Variants in GRID1 observed in about 807,000 individuals in gnomAD.
GRID1 encodes the protein glutamate receptor ionotropic, delta-1.
A neutral mutation model predicts 98.0 loss-of-function variants in GRID1; 28 were observed. The observed-to-expected ratio is 0.29, with a 90% CI of 0.21 to 0.39. The LOEUF (loss-of-function observed/expected upper bound fraction) is 0.39, where lower values mean the gene tolerates loss of function less well. Ranked by LOEUF, GRID1 falls within the 10% of genes least tolerant of loss-of-function variation. GRID1 has a pLI of 1.00. For missense variants in GRID1, 1,111 were observed against 1,340.5 expected (o/e 0.83, Z 2.67); for synonymous variants, 553 against 538.5 (o/e 1.03, Z -0.37).
chr10:86,337,384 G>C (rs1015048687), intron 2 of GRID1, among the ~76,000 whole-genome samples: 1 of 152,122 alleles, frequency 6.6e-6, no homozygotes, highest in Non-Finnish European at 1.5e-5. Flanking sequence ...TCTGTAGCCC[G>C]GGCCTTCCCA....
intron 4 of GRID1, among the ~76,000 whole-genome samples, chr10:85,946,611 G>A (rs1207639987): frequency 6.6e-6 from 1 of 152,230 alleles, no homozygotes; most frequent in Non-Finnish European, 1.5e-5. Flanking sequence ...TTGAGTAACA[G>A]AGTCCAGTGG....
chr10:86,288,231 G>A (rs935872029), intron 2 of GRID1, among the ~76,000 whole-genome samples: 2 of 152,190 alleles, frequency 1.3e-5, no homozygotes, highest in African/African-American at 4.8e-5. Context: ...CGAACACCAA[G>A]AGTCCCTCAT....
At chr10:86,092,052 C>A (rs1844157349) in intron 4 of GRID1, among the ~76,000 whole-genome samples, 1 of 152,146 alleles carries the variant, frequency 6.6e-6, no homozygotes, top group Non-Finnish European at 1.5e-5. Flanking sequence ...AAGACCAACC[C>A]TGGTAAATGA....
intron 8 of GRID1, among the ~76,000 whole-genome samples, chr10:85,738,487 C>T (rs182112236): frequency 1.4e-3 from 220 of 152,294 alleles, no homozygotes; most frequent in Non-Finnish European, 2.1e-3. Flanking sequence ...CCAGCAATTC[C>T]ACTCCTAGAC....
chr10:85,846,181 C>T (rs539829445), intron 8 of GRID1, among the ~76,000 whole-genome samples: 1 of 152,146 alleles, frequency 6.6e-6, no homozygotes, highest in African/African-American at 2.4e-5. Context: ...ACAAGGCATT[C>T]CAAAACAAGA....
At chr10:85,874,653 G>C (rs577816845) in intron 5 of GRID1, among the ~76,000 whole-genome samples, 1 of 152,230 alleles carries the variant, frequency 6.6e-6, no homozygotes, top group Admixed American at 6.5e-5. Flanking sequence ...GTTAGAACCA[G>C]GCTACAAACC....
At chr10:85,990,835 C>T (rs1367900641) in intron 4 of GRID1, among the ~76,000 whole-genome samples, 3 of 152,056 alleles carry the variant, frequency 2.0e-5, no homozygotes, top group Non-Finnish European at 4.4e-5. Flanking sequence ...GTTAGACAAT[C>T]GGAAACCAAT....
intron 4 of GRID1, among the ~76,000 whole-genome samples, chr10:85,951,574 C>T (rs896079345): frequency 1.3e-5 from 2 of 152,198 alleles, no homozygotes. Flanking sequence ...CAGATGCTCC[C>T]AGGTCAAGCC....
intron 3 of GRID1, among the ~76,000 whole-genome samples, chr10:86,161,647 A>T (rs1267974135): frequency 1.3e-5 from 2 of 152,184 alleles, no homozygotes; most frequent in Non-Finnish European, 2.9e-5. Context: ...CTCATCAGTC[A>T]GAATCTGCCT....
chr10:85,752,367 T>C (rs375117343), intron 8 of GRID1, among the ~76,000 whole-genome samples: 3 of 152,172 alleles, frequency 2.0e-5, no homozygotes, highest in African/African-American at 4.8e-5. Flanking sequence ...ACATTTCCTG[T>C]ACATGACCCC....
In GRID1 at chr10:85,841,626, A is replaced by G. The variant is rs918228919; in HGVS notation, c.1233+12870T>C. On this transcript the variant is annotated intron_variant, in intron 8 of 15. Coordinates refer to ENST00000327946, the MANE Select transcript of GRID1 (RefSeq NM_017551.3). The stretch of plus-strand genomic sequence containing the variant: ...TATTTAGTATCTATAAGGAACTTAA[A>G]CAAATTTATCAAAAAGAAAACATTA... Among the ~76,000 whole-genome samples the G allele has an allele frequency of 7.9e-5, 12 of 152,266 alleles. No homozygotes were observed. The East Asian group carries it at 1.5e-3, about 20-fold the overall frequency.
chr10:86,218,175 CGTGT>C (rs1846203240), intron 2 of GRID1, among the ~76,000 whole-genome samples: 1 of 151,928 alleles, frequency 6.6e-6, no homozygotes, highest in Admixed American at 6.6e-5. Flanking sequence ...TGCTTGTGCG[CGTGT>C]GTGTGTGAGT....
chr10:85,828,965 G>T (rs752157739), intron 8 of GRID1, among the ~76,000 whole-genome samples: 1 of 151,996 alleles, frequency 6.6e-6, no homozygotes, highest in Non-Finnish European at 1.5e-5. Flanking sequence ...CTATGAGGCT[G>T]GCATCATTCT....
chr10:85,982,507 G>A (rs1226873409), intron 4 of GRID1, among the ~76,000 whole-genome samples: 1 of 152,144 alleles, frequency 6.6e-6, no homozygotes, highest in Non-Finnish European at 1.5e-5. Context: ...TCCATCAGGT[G>A]AGAACCAAGG....
At chr10:85,870,629 T>G (rs904566020) in intron 5 of GRID1, among the ~76,000 whole-genome samples, 1 of 151,490 alleles carries the variant, frequency 6.6e-6, no homozygotes, top group African/African-American at 2.4e-5. Context: ...AGTTGAGGAG[T>G]TGGTGGTGCT....
chr10:86,229,183 T>G (rs186394822), intron 2 of GRID1, among the ~76,000 whole-genome samples: 1 of 152,076 alleles, frequency 6.6e-6, no homozygotes, highest in Non-Finnish European at 1.5e-5. Context: ...GTGCCTCCCA[T>G]GGGAACCTCA....
chr10:86,250,750 C>G (rs1022037179), intron 2 of GRID1, among the ~76,000 whole-genome samples: 35 of 150,300 alleles, frequency 2.3e-4, no homozygotes, highest in African/African-American at 7.4e-4. Context: ...CCCAGCCACC[C>G]GGTCTGGGAA....
intron 8 of GRID1, among the ~76,000 whole-genome samples, chr10:85,823,341 G>T (rs960997283): frequency 6.6e-6 from 1 of 151,918 alleles, no homozygotes; most frequent in Admixed American, 6.6e-5. Flanking sequence ...AAAAATCCAT[G>T]ATATGTTCAA....
At position 85,716,019 on chromosome 10, in the gene GRID1, G is replaced by T. The variant is rs892932581; in HGVS notation, c.1997+6984C>A. 4.6e-5 allele frequency among the ~76,000 whole-genome samples: 7 copies of T among 151,634 alleles called. No individual in the cohort carries two copies. In the South Asian group the frequency reaches 1.5e-3, roughly 32 times the overall value. Reference sequence around the variant, plus strand: ...CCTCTCAGGTTCAAGTGATTCTCCTGCCTCAGCCTCCTGAGTAGCTGGGAT... The same window carrying T: ...CCTCTCAGGTTCAAGTGATTCTCCTTCCTCAGCCTCCTGAGTAGCTGGGAT... On this transcript the variant is annotated intron_variant, in intron 12 of 15. Transcript: ENST00000327946.
Sources: gnomAD v4.1 joint callset for allele counts (sites outside exome capture counted in the v4.1 genomes callset) on GRCh38, gnomAD v4.1.1 for gene constraint, MANE v1.5 for transcripts, NCBI Gene and HGNC (gene_info 2026-07-23, HGNC 2026-07-21) for gene names.